Variants in KCNT2 observed in about 807,000 individuals in gnomAD.
KCNT2 encodes the protein potassium channel subfamily T member 2.
KCNT2 carries 67 observed loss-of-function variants against 153.8 expected under a neutral mutation model. That is an observed-to-expected ratio of 0.44 (90% CI 0.36 to 0.53). The LOEUF is 0.53. Ranked by LOEUF, KCNT2 falls within the 20% of genes least tolerant of loss-of-function variation. The pLI is 0.00. For missense variants in KCNT2, 975 were observed against 1,354.8 expected (o/e 0.72, Z 4.40); for synonymous variants, 500 against 458.8 (o/e 1.09, Z -1.15).
Position 196,226,072 on chromosome 1 carries a change from A to C in KCNT2, c.*2152T>G, listed in dbSNP as rs180860966. ...ATATTAAATTTGGACTAATGTTCAT[A>C]GTCAAAAATAATTATTTTAAAATTT... On this transcript the variant is annotated 3_prime_UTR_variant, in exon 28 of 28. Coordinates refer to ENST00000294725, the MANE Select transcript of KCNT2 (RefSeq NM_198503.5). 6.6e-6 allele frequency: 1 copy of C among 152,056 alleles called. No individual in the cohort carries two copies. The highest frequency in any genetic ancestry group is 1.5e-5 in the Non-Finnish European group (1 of 67,920). The allele number at this position is 152,056 out of a possible 1,614,324, so 9.4% of individuals were successfully genotyped here. A position where few individuals can be genotyped will look rare whatever the true frequency, so the allele number is the denominator to read the frequency against.
chr1:196,476,254 AAACACAC>A (rs1678518703), intron 5 of KCNT2, among the ~76,000 whole-genome samples: 1 of 152,158 alleles, frequency 6.6e-6, no homozygotes, highest in Non-Finnish European at 1.5e-5. Context: ...ATTTACCCCA[AAACACAC>A]ATGCCTAAAT....
chr1:196,399,826 G>C (rs1377504873), intron 12 of KCNT2, among the ~76,000 whole-genome samples: 1 of 151,748 alleles, frequency 6.6e-6, no homozygotes, highest in African/African-American at 2.4e-5. Flanking sequence ...ACCTGAGAGA[G>C]AGCTCCCTCG....
intron 27 of KCNT2, among the ~76,000 whole-genome samples, chr1:196,233,332 T>C (rs1488530843): frequency 3.3e-5 from 5 of 151,480 alleles, no homozygotes; most frequent in Admixed American, 2.6e-4. Flanking sequence ...GATAGTTCTA[T>C]CTTAGGTGCA....
chr1:196,585,259 C>T (rs183825637), intron 1 of KCNT2, among the ~76,000 whole-genome samples: 5 of 152,166 alleles, frequency 3.3e-5, no homozygotes, highest in Admixed American at 2.0e-4. Context: ...CTAGCTATAA[C>T]CTTAAGATAC....
intron 8 of KCNT2, among the ~76,000 whole-genome samples, chr1:196,462,737 G>A (rs1406115562): frequency 6.6e-6 from 1 of 151,706 alleles, no homozygotes; most frequent in African/African-American, 2.4e-5. Flanking sequence ...GTGTAAAAAA[G>A]TTGTTCAAGG....
In KCNT2 at chr1:196,306,050, C is replaced by A. The variant is rs138042193; in HGVS notation, c.2484-705G>T. Among the ~76,000 whole-genome samples the A allele has an allele frequency of 6.4e-4, 98 of 152,104 alleles. 2 individuals carry two copies. The East Asian group carries it at 0.018, about 29-fold the overall frequency. ...ATTTCTTTCCCCCAGAGAAAAGGGGCAGGATGATACCACAATAAATACTTT... is the reference window on the plus strand; with the variant it reads ...ATTTCTTTCCCCCAGAGAAAAGGGGAAGGATGATACCACAATAAATACTTT... On this transcript the variant is annotated intron_variant, in intron 21 of 27. Coordinates refer to ENST00000294725, the MANE Select transcript of KCNT2 (RefSeq NM_198503.5).
At chr1:196,300,253 T>C (rs1661059992) in intron 22 of KCNT2, among the ~76,000 whole-genome samples, 1 of 152,230 alleles carries the variant, frequency 6.6e-6, no homozygotes, top group African/African-American at 2.4e-5. Context: ...GAATAGTCAA[T>C]GAACTTCACA....
At chr1:196,474,785 A>T (rs112298632) in intron 5 of KCNT2, among the ~76,000 whole-genome samples, 1,745 of 152,308 alleles carry the variant, frequency 0.011, 27 homozygotes, top group Non-Finnish European at 0.015. Context: ...CAAAAGAATA[A>T]GAACTTTAGT....
chr1:196,470,766 C>T lies in KCNT2; in HGVS notation c.385-1698G>A, dbSNP rs1038284268. On this transcript the variant is annotated intron_variant, in intron 5 of 27. Coordinates refer to ENST00000294725, the MANE Select transcript of KCNT2 (RefSeq NM_198503.5). ...AGAGGAAGTAGAAACATCAGATAGG[C>T]CTCCCATGATAATTCCCTGTGCCAT... Among the ~76,000 whole-genome samples, 129 of 152,240 alleles carry T rather than the reference C, an allele frequency of 8.5e-4. 1 individual carries two copies. Among genetic ancestry groups the T allele is most frequent in the African/African-American group, 3.0e-3 (124 of 41,542 alleles).
At chr1:196,505,103 T>C (rs957504037) in intron 1 of KCNT2, among the ~76,000 whole-genome samples, 86 of 152,188 alleles carry the variant, frequency 5.7e-4, no homozygotes, top group Non-Finnish European at 1.1e-3. Flanking sequence ...ATCCCATTTG[T>C]CAATTTTGGC....
At chr1:196,557,616 G>A (rs963277020) in intron 1 of KCNT2, among the ~76,000 whole-genome samples, 5 of 150,722 alleles carry the variant, frequency 3.3e-5, no homozygotes, top group Non-Finnish European at 7.4e-5. Context: ...GGCCCATCAT[G>A]TACACAAGGT....
At chr1:196,500,646 T>C (rs894275642) in intron 1 of KCNT2, among the ~76,000 whole-genome samples, 2 of 152,162 alleles carry the variant, frequency 1.3e-5, no homozygotes, top group African/African-American at 2.4e-5. Context: ...ACTTAGTTTC[T>C]GATAACCAAC....
rs1380105208 is a variant in KCNT2, at chr1:196,235,991, A to G, written c.3291T>C (p.Asp1097=). ...PSPDTRIELN[D]VVYLIRPDPL... is the part of the protein sequence containing the mutation. ...GAGATATGAGATCAACTTACACAAC[A>G]TCATTCAGCTCTATTCTGGTATCTG... The change falls in exon 27 of 28, where the codon GAT becomes GAC. Residue 1097 remains aspartate, a synonymous_variant. Transcript: ENST00000294725. 6.3e-7 allele frequency: 1 copy of G among 1,579,504 alleles called. No homozygotes were observed. The highest frequency in any genetic ancestry group is 8.7e-7 in the Non-Finnish European group (1 of 1,150,044).
chr1:196,501,402 G>T (rs562506193), intron 1 of KCNT2, among the ~76,000 whole-genome samples: 6 of 152,016 alleles, frequency 3.9e-5, no homozygotes, highest in East Asian at 1.9e-4. Flanking sequence ...TACTGTTTGG[G>T]TATAAAAAAA....
At chr1:196,348,530 T>C (rs1026092418) in intron 14 of KCNT2, among the ~76,000 whole-genome samples, 3 of 152,194 alleles carry the variant, frequency 2.0e-5, no homozygotes, top group African/African-American at 7.2e-5. Context: ...ACTGTTCTAC[T>C]ATATTGACTA....
intron 20 of KCNT2, among the ~76,000 whole-genome samples, chr1:196,316,257 AAT>A (rs1274301576): frequency 6.6e-6 from 1 of 151,730 alleles, no homozygotes; most frequent in Non-Finnish European, 1.5e-5. Flanking sequence ...ACTGTTTCAA[AAT>A]ATGTGTGTTA....
At chr1:196,261,971 A>G (rs145060090) in intron 25 of KCNT2, among the ~76,000 whole-genome samples, 1 of 152,014 alleles carries the variant, frequency 6.6e-6, no homozygotes, top group East Asian at 1.9e-4. Flanking sequence ...CAATTTCCAT[A>G]CAAATTTAAA....
chr1:196,436,744 T>A (rs980405287), intron 8 of KCNT2, among the ~76,000 whole-genome samples: 1 of 151,016 alleles, frequency 6.6e-6, no homozygotes, highest in South Asian at 2.1e-4. Flanking sequence ...GATTTTCTGA[T>A]AAATTAAATA....
At chr1:196,489,010 A>C (rs1272777954) in intron 3 of KCNT2, among the ~76,000 whole-genome samples, 1 of 151,984 alleles carries the variant, frequency 6.6e-6, no homozygotes, top group African/African-American at 2.4e-5. Context: ...GTTATCCATA[A>C]AGTTGTTTTC....
Sources: gnomAD v4.1 joint callset for allele counts (sites outside exome capture counted in the v4.1 genomes callset) on GRCh38, gnomAD v4.1.1 for gene constraint, MANE v1.5 for transcripts, NCBI Gene and HGNC (gene_info 2026-07-23, HGNC 2026-07-21) for gene names.